SOX5: variants seen among roughly 807,000 people sequenced by gnomAD.
SOX5 encodes the protein transcription factor SOX-5.
In SOX5, 9 loss-of-function variants were observed where a neutral mutation model predicts 92.0. That is an observed-to-expected ratio of 0.10 (90% confidence interval 0.06 to 0.17). The LOEUF is 0.17. SOX5 is among the 10% of genes least tolerant of loss of function. The pLI is 1.00. For missense variants in SOX5, 642 were observed against 944.5 expected, an observed-to-expected ratio of 0.68 and a Z score of 4.20; for synonymous variants, 344 against 336.3, an observed-to-expected ratio of 1.02 and a Z score of -0.25.
intron 4 of SOX5, among the ~76,000 whole-genome samples, chr12:24,051,525 C>T (rs989717029): frequency 3.3e-5 from 5 of 151,952 alleles, no homozygotes; most frequent in Admixed American, 1.3e-4. Context: ...ATTCCAAGAA[C>T]GAAGAGCTAG....
intron 4 of SOX5, among the ~76,000 whole-genome samples, chr12:24,021,726 C>G (rs1391787): frequency 0.13 from 20,175 of 152,166 alleles, 1,849 homozygotes; most frequent in Non-Finnish European, 0.2. Flanking sequence ...CACTGGAGTG[C>G]TTAACGAAGT....
intron 4 of SOX5, among the ~76,000 whole-genome samples, chr12:24,080,091 C>A (rs1479108089): frequency 6.6e-6 from 1 of 151,864 alleles, no homozygotes; most frequent in African/African-American, 2.4e-5. Context: ...TAAGTTCATA[C>A]TACTTTTATT....
At chr12:24,260,369 A>C (rs1046246188) in intron 3 of SOX5, among the ~76,000 whole-genome samples, 10 of 152,218 alleles carry the variant, frequency 6.6e-5, no homozygotes, top group African/African-American at 2.2e-4. Flanking sequence ...AACTTGGTAG[A>C]ATATCATAGG....
chr12:23,695,346 A>G (rs2140110874), intron 6 of SOX5, among the ~76,000 whole-genome samples: 1 of 152,302 alleles, frequency 6.6e-6, no homozygotes, highest in Admixed American at 6.5e-5. Context: ...TCAATTACAA[A>G]GTACAATGAT....
chr12:24,331,646 G>A (rs930042814), intron 2 of SOX5, among the ~76,000 whole-genome samples: 42 of 151,828 alleles, frequency 2.8e-4, no homozygotes, highest in South Asian at 2.1e-4. Context: ...TCAGGAAATC[G>A]AGACCATCCT....
chr12:24,140,421 A>G (rs1950482159), intron 4 of SOX5, among the ~76,000 whole-genome samples: 1 of 152,184 alleles, frequency 6.6e-6, no homozygotes, highest in Non-Finnish European at 1.5e-5. Flanking sequence ...TCATTTTTTG[A>G]AAAATAACAT....
At chr12:23,659,656 C>A (rs1486482813) in intron 7 of SOX5, among the ~76,000 whole-genome samples, 1 of 152,032 alleles carries the variant, frequency 6.6e-6, no homozygotes, top group Non-Finnish European at 1.5e-5. Context: ...AATAAAAGGA[C>A]AAGTAAAAAA....
intron 4 of SOX5, among the ~76,000 whole-genome samples, chr12:23,744,538 A>G (rs987806433): frequency 6.6e-6 from 1 of 152,168 alleles, no homozygotes. Flanking sequence ...CCCTGCATTG[A>G]TATTAATCAA....
At chr12:24,314,831 T>G (rs1001169835) in intron 2 of SOX5, among the ~76,000 whole-genome samples, 2 of 152,232 alleles carry the variant, frequency 1.3e-5, no homozygotes, top group Non-Finnish European at 2.9e-5. Flanking sequence ...GGGATGTCTC[T>G]TTGCTTTGTT....
intron 4 of SOX5, among the ~76,000 whole-genome samples, chr12:23,993,937 A>ATGTT (rs1241307802): frequency 6.6e-6 from 1 of 151,938 alleles, no homozygotes; most frequent in Non-Finnish European, 1.5e-5. Context: ...GTATGTGTGT[A>ATGTT]TGTTTGTATG....
chr12:24,297,142 T>C (rs1455775114), intron 2 of SOX5, among the ~76,000 whole-genome samples: 1 of 152,238 alleles, frequency 6.6e-6, no homozygotes, highest in Non-Finnish European at 1.5e-5. Context: ...CTTAATCATC[T>C]GCTTAAATTT....
intron 1 of SOX5, among the ~76,000 whole-genome samples, chr12:24,383,479 T>C (rs561993449): frequency 7.2e-4 from 109 of 152,276 alleles, no homozygotes; most frequent in African/African-American, 2.6e-3. Flanking sequence ...CAATGGAAAA[T>C]TCCAGAAATA....
intron 3 of SOX5, among the ~76,000 whole-genome samples, chr12:23,802,479 A>T (rs1478310646): frequency 6.6e-6 from 1 of 151,926 alleles, no homozygotes; most frequent in Non-Finnish European, 1.5e-5. Flanking sequence ...AATACTAGCC[A>T]TCCCATTCGT....
At position 24,117,922 on chromosome 12, in the gene SOX5, G is replaced by A. The variant is rs544045317; in HGVS notation, c.-2+95421C>T. 1.5e-4 allele frequency among the ~76,000 whole-genome samples: 22 copies of A among 151,172 alleles called. No individual in the cohort carries two copies. In the South Asian group the frequency reaches 4.6e-3, roughly 32 times the overall value. On this transcript the variant is annotated intron_variant, in intron 4 of 4. Transcript: ENST00000446891. ...GTAATCCCAGATACTCGGAGACCAA[G>A]GCAGGAGAATTGCTTGAACCTGGGA... is the stretch of plus-strand genomic sequence containing the variant.
At position 23,588,317 on chromosome 12, in the gene SOX5, A is replaced by G. The variant is rs1406217234; in HGVS notation, c.1165-12479T>C. Among the ~76,000 whole-genome samples, 4 of 152,040 alleles carry G rather than the reference A, an allele frequency of 2.6e-5. No homozygotes were observed. The East Asian group carries it at 7.7e-4, about 29-fold the overall frequency. ...TTAATTATAACGATTTTGGATTTGT[A>G]TCAAAGCTCTCACAGAATAATGATT... is the stretch of plus-strand genomic sequence containing the variant. On this transcript the variant is annotated intron_variant, in intron 9 of 14. Coordinates refer to ENST00000451604, the MANE Select transcript of SOX5 (RefSeq NM_006940.6).
intron 3 of SOX5, among the ~76,000 whole-genome samples, chr12:24,268,891 T>C (rs1943348454): frequency 6.6e-6 from 1 of 152,306 alleles, no homozygotes; most frequent in East Asian, 1.9e-4. Context: ...ATTCAGTATT[T>C]TGTTTTGGTG....
chr12:23,894,306 C>A (rs1247549460), intron 2 of SOX5, among the ~76,000 whole-genome samples: 1 of 152,116 alleles, frequency 6.6e-6, no homozygotes, highest in African/African-American at 2.4e-5. Flanking sequence ...CGGCTCACTG[C>A]AACCTCTGCC....
At chr12:24,346,252 A>G (rs1953227687) in intron 2 of SOX5, among the ~76,000 whole-genome samples, 1 of 152,216 alleles carries the variant, frequency 6.6e-6, no homozygotes, top group Non-Finnish European at 1.5e-5. Flanking sequence ...GTGGTAAGAA[A>G]AGTCAGATGA....
At chr12:24,522,430 A>G (rs975697579) in intron 1 of SOX5, among the ~76,000 whole-genome samples, 1 of 152,134 alleles carries the variant, frequency 6.6e-6, no homozygotes, top group East Asian at 1.9e-4. Context: ...TAAGGCCAGC[A>G]TTACCCTGAC....
Sources: gnomAD v4.1 joint callset for allele counts (sites outside exome capture counted in the v4.1 genomes callset) on GRCh38, gnomAD v4.1.1 for gene constraint, MANE v1.5 for transcripts, NCBI Gene and HGNC (gene_info 2026-07-23, HGNC 2026-07-21) for gene names.